The following ITGA8 variants were observed in gnomAD, a reference collection of about 807,000 sequenced individuals.
The protein encoded by ITGA8 is integrin alpha-8.
ITGA8 carries 91 observed loss-of-function variants against 142.3 expected under a neutral mutation model. That is an observed-to-expected ratio of 0.64 (90% confidence interval 0.54 to 0.76). The LOEUF (loss-of-function observed/expected upper bound fraction) is 0.76, where lower values mean the gene tolerates loss of function less well. Ranked by LOEUF, ITGA8 falls within the 30% of genes least tolerant of loss-of-function variation. ITGA8 has a pLI of 0.00. For synonymous variants in ITGA8, 505 were observed against 485.2 expected (o/e 1.04, Z -0.54); for missense variants, 1,406 against 1,327.7 (o/e 1.06, Z -0.92).
chr10:15,620,620 G>A (rs1564377999), intron 13 of ITGA8, among the ~76,000 whole-genome samples: 1 of 152,204 alleles, frequency 6.6e-6, no homozygotes, highest in Non-Finnish European at 1.5e-5. Flanking sequence ...ACTACCTTGG[G>A]AATATGCCTG....
At chr10:15,678,981 G>A (rs1389566606) in intron 4 of ITGA8, among the ~76,000 whole-genome samples, 198 bp from the exon 5 acceptor site, 3 of 152,142 alleles carry the variant, frequency 2.0e-5, no homozygotes, top group Non-Finnish European at 4.4e-5. Context: ...ACACCAAATA[G>A]CGTTGTGATT....
chr10:15,718,090 G>T (rs892132881), intron 2 of ITGA8, among the ~76,000 whole-genome samples: 1 of 152,104 alleles, frequency 6.6e-6, no homozygotes, highest in African/African-American at 2.4e-5. Flanking sequence ...TGAAAGCATC[G>T]CATTTAAATT....
At chr10:15,589,401 G>C (rs1217423175) in intron 22 of ITGA8, among the ~76,000 whole-genome samples, 1 of 152,132 alleles carries the variant, frequency 6.6e-6, no homozygotes, top group Non-Finnish European at 1.5e-5. Flanking sequence ...TGTACACAGG[G>C]AGGAAAATGT....
chr10:15,604,334 A>G lies in ITGA8; in HGVS notation c.1992T>C (p.Ile664=). The change falls in exon 20 of 30, where the codon ATT becomes ATC. Residue 664 remains isoleucine, a synonymous_variant. Transcript: ENST00000378076. The stretch of plus-strand genomic sequence containing the variant: ...TGAGCATAAGGTGATTTTCATCTCC[A>G]ATGATTACCTGATGCTTATCTCTAA... ...SARPDKHQVI[I]GDENHLMLII... is the part of the protein sequence containing the mutation. 1.2e-6 allele frequency: 2 copies of G among 1,611,726 alleles called. No homozygotes were observed. Among genetic ancestry groups the G allele is most frequent in the East Asian group, 2.2e-5 (1 of 44,828 alleles).
At chr10:15,707,037 T>C (rs1835273256) in intron 2 of ITGA8, among the ~76,000 whole-genome samples, 1 of 152,200 alleles carries the variant, frequency 6.6e-6, no homozygotes, top group African/African-American at 2.4e-5. Flanking sequence ...ACCTGGCTCC[T>C]TTCCTCACTC....
intron 28 of ITGA8, among the ~76,000 whole-genome samples, chr10:15,526,403 C>T (rs1400721551): frequency 2.6e-5 from 4 of 152,000 alleles, no homozygotes; most frequent in Non-Finnish European, 4.4e-5. Context: ...CTCAAACTCC[C>T]GACCTCAGGT....
chr10:15,669,424 T>C (rs117210691), intron 8 of ITGA8, among the ~76,000 whole-genome samples: 15,005 of 152,194 alleles, frequency 0.099, 945 homozygotes, highest in East Asian at 0.29. Flanking sequence ...ATTCATCTAG[T>C]TTTTTTCCAA....
intron 2 of ITGA8, among the ~76,000 whole-genome samples, chr10:15,697,418 C>T (rs575982681): frequency 1.3e-5 from 2 of 152,302 alleles, no homozygotes; most frequent in African/African-American, 4.8e-5. Context: ...CCATTCCATT[C>T]CTCTTCCCTC....
chr10:15,690,601 AC>A (rs930591959), intron 2 of ITGA8, among the ~76,000 whole-genome samples: 8 of 151,946 alleles, frequency 5.3e-5, no homozygotes, highest in African/African-American at 1.9e-4. Flanking sequence ...GAAACATAGC[AC>A]CCCGTGGCTG....
At chr10:15,659,157 A>G in intron 9 of ITGA8, 102 bp from the exon 10 acceptor site, 1 of 681,252 alleles carries the variant, frequency 1.5e-6, no homozygotes, top group African/African-American at 1.9e-5. Flanking sequence ...GTAAAGTGTG[A>G]TAAATGGTTA....
chr10:15,583,479 G>C (rs186830921), intron 23 of ITGA8, among the ~76,000 whole-genome samples: 2 of 152,074 alleles, frequency 1.3e-5, no homozygotes, highest in Non-Finnish European at 2.9e-5. Flanking sequence ...AAACCTGCAC[G>C]TTCTGCACAG....
At chr10:15,652,391 G>A (rs1453030400) in intron 11 of ITGA8, among the ~76,000 whole-genome samples, 3 of 151,884 alleles carry the variant, frequency 2.0e-5, no homozygotes, top group Non-Finnish European at 2.9e-5. Context: ...GGTGCTTGTT[G>A]TGTGGCCGTC....
chr10:15,697,046 A>AACAC (rs1491456295), intron 2 of ITGA8, among the ~76,000 whole-genome samples: 16 of 147,418 alleles, frequency 1.1e-4, no homozygotes, highest in Non-Finnish European at 1.6e-4. Flanking sequence ...TTGTCTCTAA[A>AACAC]ACACACACAC....
chr10:15,549,360 G>A (rs12264145), intron 26 of ITGA8, among the ~76,000 whole-genome samples: 4 of 151,856 alleles, frequency 2.6e-5, no homozygotes, highest in South Asian at 2.1e-4. Flanking sequence ...ATAGGCACCC[G>A]CCATCATGCC....
chr10:15,543,319 A>G (rs1183572727), intron 27 of ITGA8, among the ~76,000 whole-genome samples: 2 of 152,234 alleles, frequency 1.3e-5, no homozygotes, highest in East Asian at 1.9e-4. Flanking sequence ...GTATGTCTGT[A>G]GTTTTTTGCA....
intron 25 of ITGA8, among the ~76,000 whole-genome samples, chr10:15,564,851 C>T (rs1418367336): frequency 6.6e-6 from 1 of 152,218 alleles, no homozygotes; most frequent in Non-Finnish European, 1.5e-5. Context: ...TGTACTTTGC[C>T]TATAATTAAA....
intron 15 of ITGA8, among the ~76,000 whole-genome samples, chr10:15,612,301 C>T (rs1833312551): frequency 6.6e-6 from 1 of 152,180 alleles, no homozygotes; most frequent in Admixed American, 6.5e-5. Context: ...CCAGTATGAA[C>T]TCCTGTCAAA....
chr10:15,550,006 A>AT (rs778360600), intron 26 of ITGA8, among the ~76,000 whole-genome samples: 1 of 152,086 alleles, frequency 6.6e-6, no homozygotes, highest in Admixed American at 6.6e-5. Context: ...CTCATCTTGA[A>AT]TTGTAGCTTC....
intron 13 of ITGA8, among the ~76,000 whole-genome samples, chr10:15,619,856 A>G (rs1056599015): frequency 5.9e-5 from 9 of 152,256 alleles, no homozygotes; most frequent in African/African-American, 2.2e-4. Flanking sequence ...GACACCAGAT[A>G]GGAGAGCTCT....
Sources: gnomAD v4.1 joint callset for allele counts (sites outside exome capture counted in the v4.1 genomes callset) on GRCh38, gnomAD v4.1.1 for gene constraint, MANE v1.5 for transcripts, NCBI Gene and HGNC (gene_info 2026-07-23, HGNC 2026-07-21) for gene names.